UGCG: variants seen among roughly 807,000 people sequenced by gnomAD.
UGCG encodes UDP-glucose ceramide glucosyltransferase.
In UGCG, 10 loss-of-function variants were observed where a neutral mutation model predicts 49.5. The observed-to-expected ratio is 0.20, with a 90% CI of 0.12 to 0.34. The LOEUF (loss-of-function observed/expected upper bound fraction) is 0.34, where lower values mean the gene tolerates loss of function less well. Ranked by LOEUF, UGCG falls within the 10% of genes least tolerant of loss-of-function variation. UGCG has a pLI of 1.00. For missense variants in UGCG, 312 were observed against 483.7 expected, an observed-to-expected ratio of 0.65 and a Z score of 3.33; for synonymous variants, 182 against 158.2, an observed-to-expected ratio of 1.15 and a Z score of -1.13.
At chr9:111,904,153 A>G (rs1047392168) in intron 1 of UGCG, among the ~76,000 whole-genome samples, 1 of 152,240 alleles carries the variant, frequency 6.6e-6, no homozygotes, top group Admixed American at 6.5e-5. Flanking sequence ...CATTTAGCCT[A>G]GAGCCCACAG....
chr9:111,911,068 A>G (rs10817236), intron 1 of UGCG, among the ~76,000 whole-genome samples: 46,169 of 151,806 alleles, frequency 0.3, 7,301 homozygotes, highest in Admixed American at 0.4. Flanking sequence ...CTTTTATTCT[A>G]TTTCACTGAG....
chr9:111,906,843 C>T (rs930514671), intron 1 of UGCG, among the ~76,000 whole-genome samples: 1 of 152,202 alleles, frequency 6.6e-6, no homozygotes, highest in African/African-American at 2.4e-5. Context: ...ATTCTCTTAA[C>T]TTCTATAAAT....
intron 1 of UGCG, 130 bp from the exon 2 acceptor site, chr9:111,914,475 C>T: frequency 2.2e-6 from 2 of 909,252 alleles, no homozygotes; most frequent in South Asian, 4.4e-5. Context: ...TGTTTAGATC[C>T]TCTTTTAGAA....
rs755834241 is a variant in UGCG at position 111,897,251 on chromosome 9, C to G, written c.36C>G (p.Ala12=). 3 of 1,556,324 alleles carry G rather than the reference C, an allele frequency of 1.9e-6. No homozygotes were observed. Among genetic ancestry groups the G allele is most frequent in the Non-Finnish European group, 2.6e-6 (3 of 1,150,658 alleles). The change falls in exon 1 of 9, where the codon GCC becomes GCG. Residue 12 remains alanine, a synonymous_variant. Coordinates refer to ENST00000374279, the MANE Select transcript of UGCG (RefSeq NM_003358.3). The part of the protein sequence containing the change: ...ALLDLALEGM[A]VFGFVLFLVL... The stretch of plus-strand genomic sequence containing the variant: ...TGGACCTGGCCTTGGAGGGAATGGC[C>G]GTCTTCGGGTTCGTCCTCTTCTTGG...
chr9:111,908,778 A>G (rs961145911), intron 1 of UGCG, among the ~76,000 whole-genome samples: 1 of 152,228 alleles, frequency 6.6e-6, no homozygotes, highest in East Asian at 1.9e-4. Context: ...TGTCTAGGAA[A>G]TGCAGAAACC....
Position 111,924,666 on chromosome 9 carries a change from A to G in UGCG, c.344-111A>G, listed in dbSNP as rs144485696. Reference sequence around the variant, plus strand: ...AGAGAATGTTAAATAATATGAAAGTATGTTTAATTATTAAATATGCAAGTA... The same window carrying G: ...AGAGAATGTTAAATAATATGAAAGTGTGTTTAATTATTAAATATGCAAGTA... On this transcript the variant is annotated intron_variant, in intron 3 of 8. Transcript: ENST00000374279. 1.2e-3 allele frequency: 505 copies of G among 418,610 alleles called. 9 individuals are homozygous for G. In the East Asian group the frequency reaches 0.02, roughly 17 times the overall value. The allele number at this position is 418,610 out of a possible 1,614,324, so 25.9% of individuals were successfully genotyped here.
In UGCG at chr9:111,924,892, CTTAT is replaced by C. The variant is rs1211819366; in HGVS notation, c.445+21_445+24del. 7 of 1,394,450 alleles carry C rather than the reference CTTAT, an allele frequency of 5.0e-6. No homozygotes were observed. The highest frequency in any genetic ancestry group is 6.6e-6 in the Non-Finnish European group (7 of 1,053,348). The allele number at this position is 1,394,450 out of a possible 1,614,324, so 86.4% of individuals were successfully genotyped here. On this transcript the variant is annotated intron_variant, in intron 4 of 8. Coordinates refer to ENST00000374279, the MANE Select transcript of UGCG (RefSeq NM_003358.3). ...GTGGAATAAGAGGTGAGGTTTTTTT[CTTAT>C]TTATTTTATAAAACTATTAATTTGA...
chr9:111,922,032 C>A (rs1388727873), intron 2 of UGCG, among the ~76,000 whole-genome samples: 3 of 151,680 alleles, frequency 2.0e-5, no homozygotes, highest in Admixed American at 6.6e-5. Context: ...AGGCTCCTCT[C>A]GAGCACCTAG....
rs1838458669 is a variant in UGCG at position 111,933,209 on chromosome 9, A to T, written c.*212A>T. ...CAAATGATACACTTTATTTTGTGGA[A>T]GTAGAGAATCAAGAGAATTGGTTCT... On this transcript the variant is annotated 3_prime_UTR_variant, in exon 9 of 9. Transcript: ENST00000374279. 5.7e-6 allele frequency: 2 copies of T among 349,472 alleles called. No individual in the cohort carries two copies. The highest frequency in any genetic ancestry group is 2.8e-4 in the South Asian group (2 of 7,216). The allele number at this position is 349,472 out of a possible 1,614,324, so 21.6% of individuals were successfully genotyped here. A position where few individuals can be genotyped will look rare whatever the true frequency, so the allele number is the denominator to read the frequency against.
intron 1 of UGCG, among the ~76,000 whole-genome samples, chr9:111,911,935 T>C (rs1358072205): frequency 3.7e-5 from 1 of 27,138 alleles, no homozygotes; most frequent in Non-Finnish European, 6.7e-5. Context: ...TATATATATA[T>C]ATATATATAT....
At chr9:111,916,329 C>T (rs1156672198) in intron 2 of UGCG, among the ~76,000 whole-genome samples, 1 of 152,144 alleles carries the variant, frequency 6.6e-6, no homozygotes, top group Non-Finnish European at 1.5e-5. Context: ...TTTTAACCAT[C>T]CTCTTTCACT....
At chr9:111,932,023 TAAAAA>T (rs10708488) in intron 7 of UGCG, 142 bp from the exon 8 acceptor site, 5 of 738,294 alleles carry the variant, frequency 6.8e-6, no homozygotes, top group East Asian at 5.9e-5. Flanking sequence ...CCGTCTCAAG[TAAAAA>T]AAAAAAAACA....
At chr9:111,905,575 C>A (rs1837866570) in intron 1 of UGCG, among the ~76,000 whole-genome samples, 1 of 152,156 alleles carries the variant, frequency 6.6e-6, no homozygotes, top group Admixed American at 6.5e-5. Context: ...TCTGCCTCAG[C>A]CTCCCAAGTT....
At chr9:111,904,138 T>G (rs1483057134) in intron 1 of UGCG, among the ~76,000 whole-genome samples, 1 of 152,232 alleles carries the variant, frequency 6.6e-6, no homozygotes, top group Non-Finnish European at 1.5e-5. Context: ...CTTCATTTAA[T>G]TCTCCATTTA....
chr9:111,913,036 C>T (rs1408836025), intron 1 of UGCG, among the ~76,000 whole-genome samples: 1 of 152,140 alleles, frequency 6.6e-6, no homozygotes, highest in South Asian at 2.1e-4. Flanking sequence ...CGGTGTCCCT[C>T]CAGAAGTCTT....
Position 111,932,256 on chromosome 9 carries a change from G to A in UGCG, c.911G>A (p.Gly304Glu). The A allele has an allele frequency of 6.2e-7, 1 of 1,614,064 alleles. No homozygotes were observed. The highest frequency in any genetic ancestry group is 8.5e-7 in the Non-Finnish European group (1 of 1,179,986). Residue 304 changes from glycine (G) to glutamate (E), a missense_variant, in exon 8 of 9, where the codon GGA becomes GAA. Coordinates refer to ENST00000374279, the MANE Select transcript of UGCG (RefSeq NM_003358.3). ...TGCTTTGTTGCCAGTTTAATTATTG[G>A]ATGGGCAGCCCACCATGTGTTCAGA... The part of the protein sequence containing the change: ...SECFVASLII[G>E]WAAHHVFRWD...
intron 1 of UGCG, among the ~76,000 whole-genome samples, chr9:111,907,455 C>G (rs1336310809): frequency 1.3e-5 from 2 of 152,142 alleles, no homozygotes; most frequent in East Asian, 1.9e-4. Flanking sequence ...TAATTTGAAT[C>G]CCGGTGGGGT....
rs573686871 is a variant in UGCG at position 111,932,082 on chromosome 9, A to G, written c.825-88A>G. 8 of 1,383,346 alleles carry G rather than the reference A, an allele frequency of 5.8e-6. No homozygotes were observed. In the South Asian group the frequency reaches 8.2e-5, roughly 14 times the overall value. The allele number at this position is 1,383,346 out of a possible 1,614,324, so 85.7% of individuals were successfully genotyped here. A position where few individuals can be genotyped will look rare whatever the true frequency, so the allele number is the denominator to read the frequency against. ...GAGAATGGTCTTTCTATCACAGGGT[A>G]AAAAAATTGATTATTTGAGGGAAAA... On this transcript the variant is annotated intron_variant, in intron 7 of 8. Transcript: ENST00000374279.
chr9:111,900,925 C>T (rs926723370), intron 1 of UGCG, among the ~76,000 whole-genome samples: 42 of 152,132 alleles, frequency 2.8e-4, no homozygotes, highest in Non-Finnish European at 5.3e-4. Flanking sequence ...GGCTCGATCA[C>T]GGCTTCACAT....
Sources: gnomAD v4.1 joint callset for allele counts (sites outside exome capture counted in the v4.1 genomes callset) on GRCh38, gnomAD v4.1.1 for gene constraint, MANE v1.5 for transcripts, NCBI Gene and HGNC (gene_info 2026-07-23, HGNC 2026-07-21) for gene names.